Variants in ATRNL1 observed in about 807,000 individuals in gnomAD.
ATRNL1 encodes attractin like 1.
A neutral mutation model predicts 182.7 loss-of-function variants in ATRNL1; 95 were observed. The ratio of observed to expected loss-of-function variants is 0.52; its 90% CI spans 0.44 to 0.62. The LOEUF (loss-of-function observed/expected upper bound fraction) is 0.62, where lower values mean the gene tolerates loss of function less well. Ranked by LOEUF, ATRNL1 falls within the 20% of genes least tolerant of loss-of-function variation. ATRNL1 has a pLI of 0.00. For missense variants in ATRNL1, 1,471 were observed against 1,679.5 expected, an observed-to-expected ratio of 0.88 and a Z score of 2.17; for synonymous variants, 576 against 568.3, an observed-to-expected ratio of 1.01 and a Z score of -0.19.
At chr10:115,898,161 A>C (rs1952256251) in intron 28 of ATRNL1, among the ~76,000 whole-genome samples, 1 of 152,096 alleles carries the variant, frequency 6.6e-6, no homozygotes, top group South Asian at 2.1e-4. Context: ...TCTTGACCTC[A>C]TGATCTGCCC....
At chr10:115,240,074 C>T (rs1334838318) in intron 9 of ATRNL1, among the ~76,000 whole-genome samples, 1 of 152,030 alleles carries the variant, frequency 6.6e-6, no homozygotes, top group Non-Finnish European at 1.5e-5. Flanking sequence ...TATCTATTGC[C>T]ATAGACTATT....
intron 10 of ATRNL1, 128 bp from the exon 11 acceptor site, chr10:115,265,065 T>A (rs1433992681): frequency 7.9e-6 from 4 of 507,264 alleles, no homozygotes; most frequent in Non-Finnish European, 1.4e-5. Context: ...GGAAAATTAA[T>A]GAGAATTTTT....
chr10:115,781,602 C>T (rs542937818), intron 27 of ATRNL1, among the ~76,000 whole-genome samples: 132 of 152,232 alleles, frequency 8.7e-4, no homozygotes, highest in African/African-American at 3.0e-3. Context: ...AGTTCAGTAA[C>T]AGGAAAGACT....
intron 26 of ATRNL1, among the ~76,000 whole-genome samples, chr10:115,574,641 T>A (rs1555004557): frequency 5.9e-5 from 9 of 152,130 alleles, no homozygotes; most frequent in Non-Finnish European, 1.0e-4. Flanking sequence ...TTAAATCCTA[T>A]GTTACTTGGG....
intron 28 of ATRNL1, among the ~76,000 whole-genome samples, chr10:115,905,331 G>A (rs1026732561): frequency 1.1e-4 from 16 of 151,448 alleles, no homozygotes; most frequent in African/African-American, 2.7e-4. Flanking sequence ...AGCGATCCTC[G>A]TACCTCAGCC....
chr10:115,389,550 A>ATATATATATG (rs1843884920), intron 19 of ATRNL1, among the ~76,000 whole-genome samples: 4 of 54,784 alleles, frequency 7.3e-5, no homozygotes, highest in Non-Finnish European at 1.6e-4. Context: ...GTATATATAT[A>ATATATATATG]TATATATATA....
At chr10:115,519,852 G>A (rs1210184759) in intron 25 of ATRNL1, among the ~76,000 whole-genome samples, 2 of 152,128 alleles carry the variant, frequency 1.3e-5, no homozygotes, top group Admixed American at 6.6e-5. Flanking sequence ...TTTGCAATAT[G>A]TCATTCTACA....
intron 27 of ATRNL1, among the ~76,000 whole-genome samples, chr10:115,837,250 G>T (rs782333189): frequency 1.3e-5 from 2 of 152,008 alleles, no homozygotes; most frequent in Non-Finnish European, 2.9e-5. Flanking sequence ...AGGACTCCAC[G>T]TATCTCAGGT....
intron 3 of ATRNL1, among the ~76,000 whole-genome samples, chr10:115,127,304 A>C (rs1845014615): frequency 6.6e-6 from 1 of 152,124 alleles, no homozygotes; most frequent in Non-Finnish European, 1.5e-5. Context: ...TTATGACAGG[A>C]TGGATAGCAG....
At chr10:115,756,971 G>A (rs570100006) in intron 27 of ATRNL1, among the ~76,000 whole-genome samples, 13 of 152,152 alleles carry the variant, frequency 8.5e-5, no homozygotes, top group African/African-American at 3.1e-4. Context: ...TTAGAGACTA[G>A]TATTGCAACC....
At chr10:115,814,920 A>G (rs1039687966) in intron 27 of ATRNL1, among the ~76,000 whole-genome samples, 3 of 152,178 alleles carry the variant, frequency 2.0e-5, no homozygotes, top group Non-Finnish European at 2.9e-5. Flanking sequence ...CAGAATTACT[A>G]TGCTACCTAA....
intron 28 of ATRNL1, among the ~76,000 whole-genome samples, chr10:115,878,167 T>G (rs1351061247): frequency 6.6e-6 from 1 of 152,212 alleles, no homozygotes; most frequent in Non-Finnish European, 1.5e-5. Flanking sequence ...GGAAGAATCT[T>G]TGCTGAATCT....
intron 25 of ATRNL1, among the ~76,000 whole-genome samples, chr10:115,544,880 C>T (rs551559918): frequency 6.6e-6 from 1 of 152,224 alleles, no homozygotes; most frequent in South Asian, 2.1e-4. Context: ...TTTAACTATG[C>T]TGAATAAATA....
chr10:115,775,557 A>T (rs1321304564), intron 27 of ATRNL1, among the ~76,000 whole-genome samples: 1 of 152,240 alleles, frequency 6.6e-6, no homozygotes, highest in Non-Finnish European at 1.5e-5. Context: ...GAACTTAAAA[A>T]GACAAATATC....
At chr10:115,439,559 C>G (rs1255855609) in intron 21 of ATRNL1, among the ~76,000 whole-genome samples, 1 of 151,850 alleles carries the variant, frequency 6.6e-6, no homozygotes, top group Admixed American at 6.6e-5. Flanking sequence ...TGTATTGATA[C>G]TCTGTGTTAG....
intron 27 of ATRNL1, among the ~76,000 whole-genome samples, chr10:115,789,836 G>C (rs568618132): frequency 6.6e-6 from 1 of 152,200 alleles, no homozygotes; most frequent in East Asian, 1.9e-4. Context: ...TTAGAGTTGA[G>C]CAGTTTAAAT....
intron 28 of ATRNL1, among the ~76,000 whole-genome samples, chr10:115,896,138 T>A (rs1473978576): frequency 1.1e-4 from 17 of 152,190 alleles, no homozygotes; most frequent in Non-Finnish European, 1.0e-4. Context: ...CTGATTTTTT[T>A]AAAAACCCAT....
In ATRNL1 at chr10:115,836,078, T is replaced by G. The variant is rs183339123; in HGVS notation, c.3904-11799T>G. Among the ~76,000 whole-genome samples the G allele has an allele frequency of 3.8e-3, 583 of 152,348 alleles. 3 individuals are homozygous for G. Among genetic ancestry groups the G allele is most frequent in the Non-Finnish European group, 7.2e-3 (492 of 68,046 alleles). ...TATAACGTATACTACCTTTGCATTC[T>G]AAGGAGCAATTACAACTATTTTCAA... On this transcript the variant is annotated intron_variant, in intron 27 of 28. Coordinates refer to ENST00000355044, the MANE Select transcript of ATRNL1 (RefSeq NM_207303.4).
chr10:115,182,032 A>G (rs184049588), intron 8 of ATRNL1, among the ~76,000 whole-genome samples: 1 of 151,774 alleles, frequency 6.6e-6, no homozygotes. Context: ...ATGATATCCT[A>G]AATGAATTTT....
Sources: gnomAD v4.1 joint callset for allele counts (sites outside exome capture counted in the v4.1 genomes callset) on GRCh38, gnomAD v4.1.1 for gene constraint, MANE v1.5 for transcripts, NCBI Gene and HGNC (gene_info 2026-07-23, HGNC 2026-07-21) for gene names.